The following VMP1 variants were observed in gnomAD, a reference collection of about 807,000 sequenced individuals.
VMP1 encodes the protein ectopic P-granules autophagy protein 3 homolog.
VMP1 carries 11 observed loss-of-function variants against 56.0 expected under a neutral mutation model. That is an observed-to-expected ratio of 0.20 (90% CI 0.12 to 0.32). The LOEUF is 0.32. Ranked by LOEUF, VMP1 falls within the 10% of genes least tolerant of loss-of-function variation. VMP1 has a pLI of 1.00. For synonymous variants in VMP1, 149 were observed against 165.0 expected (o/e 0.90, Z 0.74); for missense variants, 296 against 490.3 (o/e 0.60, Z 3.74).
At chr17:59,709,304 C>T (rs2033814577) in intron 1 of VMP1, among the ~76,000 whole-genome samples, 1 of 152,204 alleles carries the variant, frequency 6.6e-6, no homozygotes, top group Non-Finnish European at 1.5e-5. Context: ...CAGTTTTTCT[C>T]ACTTTTCCAA....
intron 1 of VMP1, among the ~76,000 whole-genome samples, chr17:59,728,901 A>G (rs922530568): frequency 3.9e-5 from 6 of 152,192 alleles, no homozygotes; most frequent in Admixed American, 3.9e-4. Flanking sequence ...GAACATTATC[A>G]TCACCCCAGA....
chr17:59,839,928 A>T lies in VMP1; in HGVS notation c.*17A>T. 1 of 1,607,828 alleles carries T rather than the reference A, an allele frequency of 6.2e-7. No homozygotes were observed. The highest frequency in any genetic ancestry group is 1.1e-5 in the South Asian group (1 of 89,546). On this transcript the variant is annotated 3_prime_UTR_variant, in exon 12 of 12. Transcript: ENST00000262291. ...ACTAAATAAGTAGAGAAAGTTTTAAACTGCAGAAATTGGAGTGGATGGGTT... is the reference window on the plus strand; with the variant it reads ...ACTAAATAAGTAGAGAAAGTTTTAATCTGCAGAAATTGGAGTGGATGGGTT...
At chr17:59,750,352 A>G (rs2035592483) in intron 5 of VMP1, among the ~76,000 whole-genome samples, 1 of 149,122 alleles carries the variant, frequency 6.7e-6, no homozygotes, top group Non-Finnish European at 1.5e-5. Flanking sequence ...CCCAGGCTGT[A>G]GTGCAGTGGT....
chr17:59,720,582 T>A (rs966145416), intron 1 of VMP1, among the ~76,000 whole-genome samples: 1 of 152,096 alleles, frequency 6.6e-6, no homozygotes, highest in Non-Finnish European at 1.5e-5. Flanking sequence ...AGCATGGAGA[T>A]TGATGGGTAT....
chr17:59,810,568 A>G (rs1335616541), intron 8 of VMP1, among the ~76,000 whole-genome samples: 1 of 152,216 alleles, frequency 6.6e-6, no homozygotes, highest in Non-Finnish European at 1.5e-5. Flanking sequence ...AGCAAATATA[A>G]CAAATAGCAG....
At chr17:59,721,766 T>A (rs546800037) in intron 1 of VMP1, among the ~76,000 whole-genome samples, 1 of 151,600 alleles carries the variant, frequency 6.6e-6, no homozygotes, top group South Asian at 2.1e-4. Context: ...GCAATCTGGA[T>A]ACCCTTATTT....
At chr17:59,805,432 G>A (rs1477170410) in intron 7 of VMP1, among the ~76,000 whole-genome samples, 3 of 152,070 alleles carry the variant, frequency 2.0e-5, no homozygotes, top group African/African-American at 7.2e-5. Flanking sequence ...GTTTGATATT[G>A]TTAGGTGATC....
intron 5 of VMP1, among the ~76,000 whole-genome samples, chr17:59,741,035 A>G (rs1332535193): frequency 6.6e-6 from 1 of 152,134 alleles, no homozygotes; most frequent in African/African-American, 2.4e-5. Flanking sequence ...TCTCTATAAA[A>G]AATACAAAAA....
rs1226601134 is a variant in VMP1, at chr17:59,738,965, T to C, written c.414+18T>C. The C allele has an allele frequency of 2.0e-6, 3 of 1,533,922 alleles. No individual in the cohort carries two copies. In the African/African-American group the frequency reaches 4.2e-5, roughly 22 times the overall value. ...TTTATCTGGTAAGAATAATTTTATT[T>C]TAATAAGCAAAAATGATATTTCCTA... On this transcript the variant is annotated intron_variant, in intron 5 of 11. Coordinates refer to ENST00000262291, the MANE Select transcript of VMP1 (RefSeq NM_030938.5).
At chr17:59,812,664 G>T (rs1013812119) in intron 9 of VMP1, among the ~76,000 whole-genome samples, 1 of 152,216 alleles carries the variant, frequency 6.6e-6, no homozygotes, top group African/African-American at 2.4e-5. Context: ...CAAGCGTGGT[G>T]GCTCACGCCT....
intron 7 of VMP1, among the ~76,000 whole-genome samples, chr17:59,775,574 G>A (rs999303836): frequency 1.3e-5 from 2 of 151,870 alleles, no homozygotes; most frequent in African/African-American, 4.8e-5. Flanking sequence ...CTCCCACCCT[G>A]GCCTCCCAAA....
chr17:59,830,802 G>T (rs2038783091), intron 10 of VMP1, among the ~76,000 whole-genome samples: 1 of 152,176 alleles, frequency 6.6e-6, no homozygotes, highest in African/African-American at 2.4e-5. Flanking sequence ...TGTAAATAGG[G>T]CTAAACAAGG....
At chr17:59,800,180 A>G (rs2037589859) in intron 7 of VMP1, among the ~76,000 whole-genome samples, 3 of 152,216 alleles carry the variant, frequency 2.0e-5, no homozygotes, top group Admixed American at 1.3e-4. Flanking sequence ...TTGAAGTTAT[A>G]ACTGCATTAC....
intron 10 of VMP1, among the ~76,000 whole-genome samples, chr17:59,831,267 G>C (rs2038796864): frequency 6.6e-6 from 1 of 152,094 alleles, no homozygotes; most frequent in South Asian, 2.1e-4. Flanking sequence ...GAACTCCTAG[G>C]CTCACAGGAT....
intron 5 of VMP1, among the ~76,000 whole-genome samples, chr17:59,759,243 G>A (rs552298399): frequency 1.1e-4 from 16 of 152,196 alleles, no homozygotes; most frequent in South Asian, 6.2e-4. Flanking sequence ...GTGTGGTGGC[G>A]GGTGCCTGTA....
intron 5 of VMP1, among the ~76,000 whole-genome samples, chr17:59,760,483 C>T (rs745315521): frequency 2.6e-5 from 4 of 152,052 alleles, no homozygotes; most frequent in Non-Finnish European, 5.9e-5. Context: ...AAAAGTCTGA[C>T]CTATTTTTCC....
intron 1 of VMP1, among the ~76,000 whole-genome samples, chr17:59,730,193 T>C (rs2034771972): frequency 6.6e-6 from 1 of 152,218 alleles, no homozygotes; most frequent in African/African-American, 2.4e-5. Flanking sequence ...TGTAAGAGTT[T>C]GCAGGCCCGA....
chr17:59,737,433 T>C lies in VMP1; in HGVS notation c.213-20T>C, dbSNP rs575292321. ...GAAAGTGAGACTGTGAGATATTTAT[T>C]TTTTTTATTTGTTTTTAAGATTATG... On this transcript the variant is annotated intron_variant, in intron 3 of 11. Transcript: ENST00000262291. 1.2e-5 allele frequency: 19 copies of C among 1,597,564 alleles called. No homozygotes were observed. Among genetic ancestry groups the C allele is most frequent in the Non-Finnish European group, 1.6e-5 (19 of 1,174,762 alleles).
intron 7 of VMP1, among the ~76,000 whole-genome samples, chr17:59,799,236 T>C (rs2037552961): frequency 6.6e-6 from 1 of 152,220 alleles, no homozygotes; most frequent in South Asian, 2.1e-4. Context: ...AATCTCTAAG[T>C]TACTTTCAGA....
Sources: allele counts gnomAD v4.1 joint callset (sites outside exome capture counted in the v4.1 genomes callset), GRCh38; gene constraint gnomAD v4.1.1; transcripts MANE v1.5; gene names NCBI Gene and HGNC (gene_info 2026-07-23, HGNC 2026-07-21).